TADA2A: variants seen among roughly 807,000 people sequenced by gnomAD.
TADA2A encodes transcriptional adaptor 2A.
A neutral mutation model predicts 67.4 loss-of-function variants in TADA2A; 38 were observed. That is an observed-to-expected ratio of 0.56 (90% CI 0.44 to 0.74). TADA2A has a LOEUF of 0.74. Ranked by LOEUF, TADA2A falls within the 30% of genes least tolerant of loss-of-function variation. The pLI is 0.00. For missense variants in TADA2A, 454 were observed against 547.0 expected, an observed-to-expected ratio of 0.83 and a Z score of 1.70; for synonymous variants, 192 against 181.6, an observed-to-expected ratio of 1.06 and a Z score of -0.46.
At chr17:37,443,847 G>T (rs2052995083) in intron 7 of TADA2A, among the ~76,000 whole-genome samples, 1 of 152,166 alleles carries the variant, frequency 6.6e-6, no homozygotes, top group Admixed American at 6.5e-5. Flanking sequence ...AATGATGAAT[G>T]TGTATAAAAA....
intron 8 of TADA2A, among the ~76,000 whole-genome samples, chr17:37,449,212 G>A (rs2053165817): frequency 6.6e-6 from 1 of 151,956 alleles, no homozygotes; most frequent in Admixed American, 6.6e-5. Flanking sequence ...TAGTAGAGAC[G>A]GGGTTTCACC....
At chr17:37,412,783 CAA>C (rs527307008) in intron 2 of TADA2A, among the ~76,000 whole-genome samples, 106 of 146,434 alleles carry the variant, frequency 7.2e-4, no homozygotes, top group Non-Finnish European at 8.6e-4. Flanking sequence ...GAATCTGTCT[CAA>C]AAAAAAAAAA....
chr17:37,410,236 GTGCAGTGGTGGCTCAC>G (rs2051819356), intron 1 of TADA2A, among the ~76,000 whole-genome samples: 1 of 151,866 alleles, frequency 6.6e-6, no homozygotes, highest in South Asian at 2.1e-4. Flanking sequence ...CCAAGCTGGA[GTGCAGTGGTGGCTCAC>G]TGCATCCTCG....
At chr17:37,424,859 T>C (rs889611203) in intron 3 of TADA2A, among the ~76,000 whole-genome samples, 1 of 145,534 alleles carries the variant, frequency 6.9e-6, no homozygotes, top group African/African-American at 2.6e-5. Flanking sequence ...GCCCAGCTAT[T>C]TTTTCTTTTT....
intron 1 of TADA2A, among the ~76,000 whole-genome samples, chr17:37,409,057 A>G (rs1273650137): frequency 1.3e-5 from 2 of 152,158 alleles, no homozygotes; most frequent in East Asian, 3.8e-4. Context: ...GCATACAGAT[A>G]GGTATCCGAT....
At chr17:37,423,317 G>A (rs558624056) in intron 2 of TADA2A, among the ~76,000 whole-genome samples, 192 bp from the exon 3 acceptor site, 61 of 152,302 alleles carry the variant, frequency 4.0e-4, no homozygotes, top group Admixed American at 1.2e-3. Context: ...TGTGTGAAAG[G>A]GAACAATGCT....
intron 8 of TADA2A, among the ~76,000 whole-genome samples, chr17:37,457,915 AAGG>A (rs759979025): frequency 1.1e-3 from 171 of 152,316 alleles, no homozygotes; most frequent in Middle Eastern, 6.8e-3. Context: ...GTTTAATAGA[AAGG>A]AGAATTTTTT....
chr17:37,418,497 TAGAA>T (rs2052123012), intron 2 of TADA2A, among the ~76,000 whole-genome samples: 1 of 152,174 alleles, frequency 6.6e-6, no homozygotes, highest in Non-Finnish European at 1.5e-5. Context: ...ATTTATCCAT[TAGAA>T]AGAACAAGGA....
At chr17:37,413,441 A>G (rs751028145) in intron 2 of TADA2A, among the ~76,000 whole-genome samples, 8 of 152,162 alleles carry the variant, frequency 5.3e-5, no homozygotes, top group Non-Finnish European at 7.3e-5. Flanking sequence ...TAAGAATACA[A>G]ACAATACCCA....
chr17:37,429,295 A>T (rs2052503783), intron 4 of TADA2A, among the ~76,000 whole-genome samples: 1 of 152,294 alleles, frequency 6.6e-6, no homozygotes, highest in Non-Finnish European at 1.5e-5. Context: ...AGGGTAATCC[A>T]GGATAGTCTC....
intron 8 of TADA2A, among the ~76,000 whole-genome samples, chr17:37,452,505 C>T (rs745606422): frequency 2.0e-5 from 3 of 152,128 alleles, no homozygotes; most frequent in Non-Finnish European, 2.9e-5. Context: ...CCTAATCCTT[C>T]CTTTCTCTTA....
At chr17:37,425,072 G>A (rs972883573) in intron 3 of TADA2A, among the ~76,000 whole-genome samples, 3 of 151,668 alleles carry the variant, frequency 2.0e-5, no homozygotes, top group Non-Finnish European at 4.4e-5. Flanking sequence ...GTAGAGATGG[G>A]GTTTTCTCAT....
intron 2 of TADA2A, among the ~76,000 whole-genome samples, chr17:37,416,866 C>A (rs536731313): frequency 6.6e-6 from 1 of 150,550 alleles, no homozygotes; most frequent in Non-Finnish European, 1.5e-5. Context: ...GGCAACAGAA[C>A]GAGAGTCCGC....
At chr17:37,464,692 T>C (rs853206) in intron 10 of TADA2A, among the ~76,000 whole-genome samples, 34,935 of 150,620 alleles carry the variant, frequency 0.23, 4,368 homozygotes, top group East Asian at 0.54. Flanking sequence ...TACAAAAAAT[T>C]AGTCGAGCAT....
At chr17:37,465,956 A>T (rs1411482383) in intron 11 of TADA2A, among the ~76,000 whole-genome samples, 1 of 152,190 alleles carries the variant, frequency 6.6e-6, no homozygotes, top group Non-Finnish European at 1.5e-5. Flanking sequence ...CAAATCCCAG[A>T]CATCATTTTA....
intron 4 of TADA2A, among the ~76,000 whole-genome samples, chr17:37,429,952 T>C (rs1387397862): frequency 1.3e-5 from 2 of 152,256 alleles, no homozygotes; most frequent in Non-Finnish European, 2.9e-5. Flanking sequence ...ACCAAGGTTA[T>C]CAGGTCTTCA....
chr17:37,425,188 G>GT (rs1335421228), intron 3 of TADA2A, among the ~76,000 whole-genome samples: 4 of 152,060 alleles, frequency 2.6e-5, no homozygotes, highest in African/African-American at 4.8e-5. Context: ...CCATAACACT[G>GT]TTTTTTTAAG....
chr17:37,459,289 C>CT (rs1037203259), intron 9 of TADA2A, among the ~76,000 whole-genome samples: 166 of 138,280 alleles, frequency 1.2e-3, no homozygotes, highest in East Asian at 3.8e-3. Flanking sequence ...TTGCTTTTGT[C>CT]TTTTTTTTTT....
intron 12 of TADA2A, among the ~76,000 whole-genome samples, chr17:37,469,399 C>T (rs980453025): frequency 3.3e-5 from 5 of 151,546 alleles, no homozygotes; most frequent in African/African-American, 9.7e-5. Context: ...TTTGGGAGGC[C>T]GAGGCGGGCG....
Sources: allele counts gnomAD v4.1 joint callset (sites outside exome capture counted in the v4.1 genomes callset), GRCh38; gene constraint gnomAD v4.1.1; transcripts MANE v1.5; gene names NCBI Gene and HGNC (gene_info 2026-07-23, HGNC 2026-07-21).